RNF152: variants seen among roughly 807,000 people sequenced by gnomAD.
The protein encoded by RNF152 is ring finger protein 152.
A neutral mutation model predicts 12.7 loss-of-function variants in RNF152; 11 were observed. The observed-to-expected ratio is 0.86, with a 90% CI of 0.54 to 1.43. RNF152 has a LOEUF of 1.43. Ranked by LOEUF, RNF152 falls within the 40% of genes most tolerant of loss-of-function variation. The pLI is 0.00. For missense variants in RNF152, 255 were observed against 274.8 expected, an observed-to-expected ratio of 0.93 and a Z score of 0.51; for synonymous variants, 113 against 120.3, an observed-to-expected ratio of 0.94 and a Z score of 0.40.
intron 1 of RNF152, among the ~76,000 whole-genome samples, 165 bp from the exon 2 acceptor site, chr18:61,816,763 G>T (rs1331763036): frequency 6.6e-6 from 1 of 152,200 alleles, no homozygotes; most frequent in Non-Finnish European, 1.5e-5. Flanking sequence ...CCCAGTGAAA[G>T]GCGAATGAAA....
chr18:61,863,617 T>C (rs1346972991), intron 1 of RNF152, among the ~76,000 whole-genome samples: 2 of 152,146 alleles, frequency 1.3e-5, no homozygotes, highest in African/African-American at 4.8e-5. Context: ...TTGCATTCTG[T>C]CTCCTTTTGT....
At chr18:61,884,912 C>A (rs1434286857) in intron 1 of RNF152, among the ~76,000 whole-genome samples, 2 of 152,190 alleles carry the variant, frequency 1.3e-5, no homozygotes, top group African/African-American at 4.8e-5. Context: ...GGTTTAAATA[C>A]CTGATGCTCA....
intron 1 of RNF152, among the ~76,000 whole-genome samples, chr18:61,843,445 T>C (rs1910543189): frequency 6.6e-6 from 1 of 152,198 alleles, no homozygotes; most frequent in South Asian, 2.1e-4. Flanking sequence ...CAATTCCACC[T>C]CTGAGTATTT....
intron 1 of RNF152, among the ~76,000 whole-genome samples, chr18:61,839,508 A>G (rs1371475868): frequency 6.6e-6 from 1 of 152,218 alleles, no homozygotes; most frequent in African/African-American, 2.4e-5. Context: ...AAGCAATGCT[A>G]TAATGTTCCC....
intron 1 of RNF152, among the ~76,000 whole-genome samples, chr18:61,846,051 A>C (rs1910731328): frequency 6.6e-6 from 1 of 152,052 alleles, no homozygotes. Flanking sequence ...TGAACCAGAA[A>C]ATGGGCTCTC....
rs1371719118 is a variant in RNF152, at chr18:61,808,743, A to C, written c.*7109T>G. 1 of 152,240 alleles carries C rather than the reference A, an allele frequency of 6.6e-6. No individual in the cohort carries two copies. The highest frequency in any genetic ancestry group is 2.4e-5 in the African/African-American group (1 of 41,470). 9.4% of individuals were successfully genotyped at this position (152,240 alleles called of 1,614,324 possible). On this transcript the variant is annotated 3_prime_UTR_variant, in exon 2 of 2. Coordinates refer to ENST00000312828, the MANE Select transcript of RNF152 (RefSeq NM_173557.3). ...ATATTCTTGAACTCATTTTCCCAAC[A>C]GTACTGACATACTCAAGTCAGGATA... is the stretch of plus-strand genomic sequence containing the variant.
At chr18:61,894,103 C>G (rs1913105248), upstream of RNF152, 1 of 152,148 alleles carries the variant, frequency 6.6e-6, no homozygotes, top group Non-Finnish European at 1.5e-5. The surrounding 1 kb of genome is among the most constrained non-coding windows in gnomAD (Gnocchi z 4.9). Context: ...CTGTCCGCCC[C>G]CGATCCGGAG....
chr18:61,882,490 G>A (rs1011133341), intron 1 of RNF152, among the ~76,000 whole-genome samples: 5 of 152,232 alleles, frequency 3.3e-5, no homozygotes, highest in Non-Finnish European at 7.3e-5. Context: ...TTGCCTTCAG[G>A]TGCTCTGTGC....
At chr18:61,829,671 AAGGAGC>A (rs1909847412) in intron 1 of RNF152, among the ~76,000 whole-genome samples, 1 of 151,672 alleles carries the variant, frequency 6.6e-6, no homozygotes, top group Non-Finnish European at 1.5e-5. Flanking sequence ...GTGAGGGGAG[AAGGAGC>A]AGGATGCGGT....
chr18:61,844,093 A>C (rs905435015), intron 1 of RNF152, among the ~76,000 whole-genome samples: 1 of 111,536 alleles, frequency 9.0e-6, no homozygotes, highest in African/African-American at 3.0e-5. Context: ...AAAGAAAGAA[A>C]GAAAGAAAGA....
At chr18:61,880,763 A>G (rs2144756478) in intron 1 of RNF152, among the ~76,000 whole-genome samples, 1 of 152,350 alleles carries the variant, frequency 6.6e-6, no homozygotes, top group East Asian at 1.9e-4. Context: ...TTAATTATGA[A>G]GCCAACACCA....
intron 1 of RNF152, among the ~76,000 whole-genome samples, chr18:61,844,042 A>AG: frequency 6.9e-6 from 1 of 145,108 alleles, no homozygotes; most frequent in Non-Finnish European, 1.5e-5. Flanking sequence ...GAGAGAAAGA[A>AG]AAAGAAAAAA....
At chr18:61,889,952 G>C (rs1912878031) in intron 1 of RNF152, among the ~76,000 whole-genome samples, 1 of 152,116 alleles carries the variant, frequency 6.6e-6, no homozygotes, top group Non-Finnish European at 1.5e-5. Context: ...ATACCTAATG[G>C]CCTTTCACTT....
At chr18:61,846,972 T>G (rs1241636346) in intron 1 of RNF152, among the ~76,000 whole-genome samples, 1 of 152,146 alleles carries the variant, frequency 6.6e-6, no homozygotes, top group African/African-American at 2.4e-5. Flanking sequence ...TCTTCATGTG[T>G]AACTCAGGGA....
intron 1 of RNF152, among the ~76,000 whole-genome samples, chr18:61,864,603 G>A (rs945755908): frequency 4.6e-5 from 7 of 152,216 alleles, no homozygotes; most frequent in Non-Finnish European, 7.4e-5. Context: ...TCCCTCTTTC[G>A]CCCTTCTTCC....
intron 1 of RNF152, among the ~76,000 whole-genome samples, chr18:61,873,272 A>G (rs1407194714): frequency 6.6e-6 from 1 of 152,224 alleles, no homozygotes; most frequent in Non-Finnish European, 1.5e-5. Context: ...TAACTGACAC[A>G]AGTACAAATA....
chr18:61,822,109 A>C (rs1186786234), intron 1 of RNF152, among the ~76,000 whole-genome samples: 1 of 152,138 alleles, frequency 6.6e-6, no homozygotes, highest in Non-Finnish European at 1.5e-5. Flanking sequence ...ATATAAGAAA[A>C]TATATGAGAA....
chr18:61,866,796 G>A (rs538272792), intron 1 of RNF152, among the ~76,000 whole-genome samples: 2 of 152,264 alleles, frequency 1.3e-5, no homozygotes, highest in African/African-American at 2.4e-5. Flanking sequence ...CTACTTGCCC[G>A]CTGTCCCCAC....
intron 1 of RNF152, among the ~76,000 whole-genome samples, chr18:61,877,797 A>G (rs903122000): frequency 5.3e-5 from 8 of 152,250 alleles, no homozygotes; most frequent in African/African-American, 1.9e-4. Flanking sequence ...ACTCACTACC[A>G]GGAATACTGG....
Sources: gnomAD v4.1 joint callset for allele counts (sites outside exome capture counted in the v4.1 genomes callset) on GRCh38, gnomAD v4.1.1 for gene constraint, Gnocchi (gnomAD v3.1) non-coding constraint, MANE v1.5 for transcripts, NCBI Gene and HGNC (gene_info 2026-07-23, HGNC 2026-07-21) for gene names.